Variants in AFF4 observed in about 807,000 individuals in gnomAD.
The protein encoded by AFF4 is AF4/FMR2 family member 4.
A neutral mutation model predicts 124.8 loss-of-function variants in AFF4; 13 were observed. That is an observed-to-expected ratio of 0.10 (90% confidence interval 0.07 to 0.17). The LOEUF is 0.17. Among genes scored for constraint, AFF4 ranks in the 10% least tolerant of loss-of-function variants. AFF4 has a pLI of 1.00. For missense variants in AFF4, 1,092 were observed against 1,403.8 expected, an observed-to-expected ratio of 0.78 and a Z score of 3.55; for synonymous variants, 477 against 496.1, an observed-to-expected ratio of 0.96 and a Z score of 0.51.
rs1411257485 is a variant in AFF4 at position 132,881,189 on chromosome 5, A to G, written c.3365-3T>C. On this transcript the variant is annotated splice_polypyrimidine_tract_variant and splice_region_variant and intron_variant, in intron 20 of 20. Coordinates refer to ENST00000265343, the MANE Select transcript of AFF4 (RefSeq NM_014423.4). ...TTTATCCAGTTCAGCAAAGAATTCT[A>G]GAAAACCAAAAACATTCATTAAATG... The G allele has an allele frequency of 1.2e-6, 2 of 1,613,580 alleles. No homozygotes were observed. The highest frequency in any genetic ancestry group is 1.7e-6 in the Non-Finnish European group (2 of 1,179,752).
chr5:132,950,861 C>T (rs979244489), intron 1 of AFF4, among the ~76,000 whole-genome samples: 20 of 152,154 alleles, frequency 1.3e-4, no homozygotes, highest in African/African-American at 4.8e-4. Context: ...ACAACTTCAA[C>T]TTCTCCATCT....
intron 4 of AFF4, among the ~76,000 whole-genome samples, chr5:132,931,897 T>C (rs1761307941): frequency 6.6e-6 from 1 of 152,036 alleles, no homozygotes. Flanking sequence ...TGAGCCAAGA[T>C]CGCGCCACTG....
At chr5:132,930,075 T>C (rs1218016793) in intron 4 of AFF4, among the ~76,000 whole-genome samples, 2 of 152,168 alleles carry the variant, frequency 1.3e-5, no homozygotes, top group Non-Finnish European at 2.9e-5. Context: ...GTACTACTAA[T>C]CCAAGGAAGT....
intron 1 of AFF4, among the ~76,000 whole-genome samples, chr5:132,961,112 C>T (rs779204316): frequency 1.3e-5 from 2 of 152,142 alleles, no homozygotes; most frequent in Non-Finnish European, 2.9e-5. Context: ...GCAATCCCAA[C>T]TACTCAGGAG....
At chr5:132,948,833 G>A (rs75619624) in intron 1 of AFF4, 1,545 of 153,238 alleles carry the variant, frequency 0.01, 8 homozygotes, top group Non-Finnish European at 0.015. Context: ...CCTGTTTGGG[G>A]CATCAGCTGC....
rs866640008 is a variant in AFF4, at chr5:132,875,969, C to T, written c.*5090G>A. ...GTGACATTATCTCCCCTCCAAAACCCTCCCCAAATATCAAACAATTATATA... is the reference window on the plus strand; with the variant it reads ...GTGACATTATCTCCCCTCCAAAACCTTCCCCAAATATCAAACAATTATATA... On this transcript the variant is annotated 3_prime_UTR_variant, in exon 21 of 21. Transcript: ENST00000265343. 4 of 226,564 alleles carry T rather than the reference C, an allele frequency of 1.8e-5. No homozygotes were observed. Among genetic ancestry groups the T allele is most frequent in the Admixed American group, 1.7e-4 (3 of 17,568 alleles). The allele number at this position is 226,564 out of a possible 1,614,324, so 14.0% of individuals were successfully genotyped here.
At position 132,876,495 on chromosome 5, in the gene AFF4, G is replaced by C. The variant is rs536332203; in HGVS notation, c.*4564C>G. 1 of 218,822 alleles carries C rather than the reference G, an allele frequency of 4.6e-6. No individual in the cohort carries two copies. The highest frequency in any genetic ancestry group is 1.9e-4 in the South Asian group (1 of 5,390). 13.6% of individuals were successfully genotyped at this position (218,822 alleles called of 1,614,324 possible). A position where few individuals can be genotyped will look rare whatever the true frequency, so the allele number is the denominator to read the frequency against. On this transcript the variant is annotated 3_prime_UTR_variant, in exon 21 of 21. Coordinates refer to ENST00000265343, the MANE Select transcript of AFF4 (RefSeq NM_014423.4). ...TGGGTGGGAGCTTTTTTATTTTTAA[G>C]AATGGCAAGTTATGTTTAGCTGAGT...
In AFF4 at chr5:132,892,331, G is replaced by A. The variant is rs200646130; in HGVS notation, c.2470C>T (p.Pro824Ser). Residue 824 changes from proline to serine, a missense_variant, in exon 13 of 21, where the codon CCA (proline) becomes TCA (serine). Pro to Ser is a moderately conservative substitution (Grantham distance 74, BLOSUM62 -1). This residue lies in a region of AFF4 where 293 missense variants were observed against 280.2 expected (regional missense o/e 1.05). Coordinates refer to ENST00000265343, the MANE Select transcript of AFF4 (RefSeq NM_014423.4). ...SPAGPVPSKD[P>S]KTEHGSRKRT... ...TTCCGAGAGCCATGCTCTGTTTTTG[G>A]ATCTTTTGAAGGAACAGGCCCAGCG... 6.9e-5 allele frequency: 112 copies of A among 1,614,032 alleles called. 1 individual carries two copies. The East Asian group carries it at 2.2e-3, about 32-fold the overall frequency.
At chr5:132,959,311 G>A (rs1033299264) in intron 1 of AFF4, among the ~76,000 whole-genome samples, 1 of 151,926 alleles carries the variant, frequency 6.6e-6, no homozygotes, top group African/African-American at 2.4e-5. Context: ...TAGTAAAGAC[G>A]GGGTTTCACC....
chr5:132,899,274 C>A (rs1760488376), intron 8 of AFF4, 133 bp from the exon 9 acceptor site: 4 of 781,886 alleles, frequency 5.1e-6, no homozygotes, highest in Non-Finnish European at 8.1e-6. Flanking sequence ...AGCACTTATA[C>A]TGTTTTTACC....
intron 3 of AFF4, among the ~76,000 whole-genome samples, chr5:132,932,667 C>T (rs1040325813): frequency 3.3e-5 from 5 of 152,126 alleles, no homozygotes; most frequent in East Asian, 1.9e-4. Flanking sequence ...AGCAGTAGGA[C>T]GTAAGTAACT....
Position 132,898,381 on chromosome 5 carries a change from G to A in AFF4, c.1238C>T (p.Pro413Leu), listed in dbSNP as rs1760464058. 3.1e-6 allele frequency: 5 copies of A among 1,613,492 alleles called. No individual in the cohort carries two copies. Among genetic ancestry groups the A allele is most frequent in the Admixed American group, 1.7e-5 (1 of 59,818 alleles). ...TGCTCCTTCACTATTATGGTGTGAA[G>A]GTTCAGAGTTACTAAAAGAGATGAA... ...PRSTPGSNSE[P>L]SHHNSEGADN... Residue 413 changes from proline (P) to leucine (L), a missense_variant, in exon 10 of 21, where the codon CCT becomes CTT. Pro to Leu is a moderately conservative substitution (Grantham distance 98). Around this residue, in one of 11 missense-constraint regions of AFF4, gnomAD observed 148 missense variants for 196.3 expected, o/e 0.75. Transcript: ENST00000265343.
rs1377748914 is a variant in AFF4 at position 132,877,731 on chromosome 5, G to A, written c.*3328C>T. On this transcript the variant is annotated 3_prime_UTR_variant, in exon 21 of 21. Coordinates refer to ENST00000265343, the MANE Select transcript of AFF4 (RefSeq NM_014423.4). ...TAACAAGTGCCTTTTGTAGGCTCTT[G>A]CTTCAGAATGCAAGCTCATTCATGA... The A allele has an allele frequency of 9.4e-6, 2 of 211,780 alleles. No individual in the cohort carries two copies. Among genetic ancestry groups the A allele is most frequent in the Non-Finnish European group, 1.9e-5 (2 of 104,286 alleles). 13.1% of individuals were successfully genotyped at this position (211,780 alleles called of 1,614,324 possible).
intron 3 of AFF4, among the ~76,000 whole-genome samples, chr5:132,932,453 GTTT>G (rs1338309727): frequency 6.6e-6 from 1 of 152,116 alleles, no homozygotes; most frequent in Non-Finnish European, 1.5e-5. Context: ...AAGGTTTTAA[GTTT>G]TTTATCCTAT....
chr5:132,940,433 G>C (rs1171029081), intron 1 of AFF4, among the ~76,000 whole-genome samples: 1 of 151,860 alleles, frequency 6.6e-6, no homozygotes, highest in Non-Finnish European at 1.5e-5. Flanking sequence ...CCCGGGAGGC[G>C]GAGCTTGCAG....
intron 5 of AFF4, among the ~76,000 whole-genome samples, chr5:132,906,211 T>A (rs1238570651): frequency 6.6e-6 from 1 of 152,156 alleles, no homozygotes; most frequent in Non-Finnish European, 1.5e-5. Flanking sequence ...GTTCCTCAAA[T>A]AAGTAAACAC....
rs561761851 is a variant in AFF4 at position 132,938,820 on chromosome 5, G to A, written c.-4-1627C>T. 5.3e-3 allele frequency among the ~76,000 whole-genome samples: 803 copies of A among 151,170 alleles called. 4 individuals are homozygous for A. Among genetic ancestry groups the A allele is most frequent in the Middle Eastern group, 0.027 (8 of 294 alleles). ...TAGCCAGGTGCAGTGGCAGGCGCCT[G>A]TAGTCCCGGCTACTCAGGAGGCTGA... On this transcript the variant is annotated intron_variant, in intron 1 of 20. Coordinates refer to ENST00000265343, the MANE Select transcript of AFF4 (RefSeq NM_014423.4).
At chr5:132,954,504 C>T (rs1184942450) in intron 1 of AFF4, among the ~76,000 whole-genome samples, 3 of 150,916 alleles carry the variant, frequency 2.0e-5, no homozygotes, top group Non-Finnish European at 2.9e-5. Flanking sequence ...TGGTTGCCCA[C>T]GACCTCTGGA....
intron 5 of AFF4, among the ~76,000 whole-genome samples, chr5:132,914,533 G>A (rs1454748620): frequency 6.6e-6 from 1 of 151,784 alleles, no homozygotes; most frequent in Non-Finnish European, 1.5e-5. Context: ...CCCGGAAGGT[G>A]GAGGTTGCAG....
Sources: gnomAD v4.1 joint callset for allele counts (sites outside exome capture counted in the v4.1 genomes callset) on GRCh38, gnomAD v4.1.1 for gene constraint, gnomAD v4.1.1 regional missense constraint, MANE v1.5 for transcripts, NCBI Gene and HGNC (gene_info 2026-07-23, HGNC 2026-07-21) for gene names.